Variants in SYT16 observed in about 807,000 individuals in gnomAD.
SYT16 encodes the protein synaptotagmin 16.
SYT16 carries 42 observed loss-of-function variants against 61.4 expected under a neutral mutation model. The observed-to-expected ratio is 0.68, with a 90% confidence interval of 0.53 to 0.89. The LOEUF (loss-of-function observed/expected upper bound fraction) is 0.89. SYT16 is among the 40% of genes least tolerant of loss of function. The probability of loss-of-function intolerance (pLI) is 0.00; values close to 1 mark genes in which losing one functional copy is unlikely to be tolerated. For synonymous variants in SYT16, 314 were observed against 302.3 expected, an observed-to-expected ratio of 1.04 and a Z score of -0.40; for missense variants, 804 against 807.3, an observed-to-expected ratio of 1.00 and a Z score of 0.05.
intron 3 of SYT16, among the ~76,000 whole-genome samples, chr14:62,013,191 G>A (rs758932202): frequency 3.1e-4 from 47 of 152,098 alleles, no homozygotes; most frequent in Non-Finnish European, 5.3e-4. Context: ...TAAATAAAAG[G>A]TGATCATTTT....
At chr14:61,956,131 T>C (rs992626491) in intron 1 of SYT16, among the ~76,000 whole-genome samples, 1 of 151,964 alleles carries the variant, frequency 6.6e-6, no homozygotes, top group Non-Finnish European at 1.5e-5. Context: ...CCTTTGCCCA[T>C]TTATTAATTG....
intron 1 of SYT16, among the ~76,000 whole-genome samples, chr14:61,929,328 G>A (rs1456152221): frequency 1.3e-5 from 2 of 152,184 alleles, no homozygotes; most frequent in Non-Finnish European, 2.9e-5. Context: ...ACAATTCTAG[G>A]TGTTTATAAA....
In SYT16 at chr14:62,050,843, G is replaced by A. The variant is rs746206795; in HGVS notation, c.524-18760G>A. On this transcript the variant is annotated intron_variant, in intron 3 of 7. Transcript: ENST00000683842. ...ATCATTCCTCTGGAAGTTTTGTCTC[G>A]GAGGAGTACCCAGCCATGTGAGGTG... 2.0e-3 allele frequency among the ~76,000 whole-genome samples: 305 copies of A among 152,194 alleles called. 2 individuals carry two copies. The highest frequency in any genetic ancestry group is 3.3e-3 in the Non-Finnish European group (224 of 68,008).
rs544826072 is a variant in SYT16 at position 61,833,970 on chromosome 14, ATT to A, written c.-325+21179_-325+21180del. On this transcript the variant is annotated intron_variant, in intron 1 of 7. Coordinates refer to ENST00000683842, the MANE Select transcript of SYT16 (RefSeq NM_001367656.1). ...GTGGATTGCTGAAGCTCTGGCTTTG[ATT>A]TTTTTTTTTTTTTTTTTTAAATTTT... Among the ~76,000 whole-genome samples, 861 of 117,272 alleles carry A rather than the reference ATT, an allele frequency of 7.3e-3. 4 individuals are homozygous for A. The highest frequency in any genetic ancestry group is 0.025 in the African/African-American group (799 of 31,748). The allele number at this position is 117,272 out of a possible 152,430, so 76.9% of individuals were successfully genotyped here.
upstream of SYT16, chr14:61,812,672 G>T (rs2045303649): frequency 6.8e-6 from 1 of 146,432 alleles, no homozygotes; most frequent in Admixed American, 6.8e-5. Flanking sequence ...GGGGGCGCGC[G>T]GCAGGAGGGG....
chr14:62,090,765 C>T (rs367870173), intron 7 of SYT16, among the ~76,000 whole-genome samples: 1 of 152,128 alleles, frequency 6.6e-6, no homozygotes, highest in South Asian at 2.1e-4. Context: ...CTGATAAAGA[C>T]GTACCCAAGA....
chr14:62,062,808 C>G (rs1363210870), intron 3 of SYT16, among the ~76,000 whole-genome samples: 2 of 152,132 alleles, frequency 1.3e-5, no homozygotes, highest in Non-Finnish European at 2.9e-5. Flanking sequence ...CACTCGGGTA[C>G]TGCACCACTG....
intron 4 of SYT16, among the ~76,000 whole-genome samples, chr14:62,070,706 G>A (rs946451552): frequency 1.3e-5 from 2 of 152,144 alleles, no homozygotes; most frequent in African/African-American, 4.8e-5. Flanking sequence ...TTGTAACAGG[G>A]AAGGGTCTGT....
intron 1 of SYT16, among the ~76,000 whole-genome samples, chr14:61,939,433 A>G (rs1231515084): frequency 1.3e-5 from 2 of 152,228 alleles, no homozygotes; most frequent in South Asian, 4.1e-4. Context: ...CTTCAACAGC[A>G]GAGATCTATT....
intron 1 of SYT16, among the ~76,000 whole-genome samples, chr14:61,889,317 C>G (rs930433843): frequency 1.3e-5 from 2 of 152,176 alleles, no homozygotes; most frequent in Admixed American, 6.5e-5. Context: ...TTATAAGATA[C>G]TGGAGGGTGG....
intron 1 of SYT16, among the ~76,000 whole-genome samples, chr14:61,938,244 A>G (rs970662883): frequency 2.0e-5 from 3 of 152,102 alleles, no homozygotes; most frequent in Admixed American, 2.0e-4. Context: ...GTGTTTATTG[A>G]ATGATACTGT....
chr14:61,826,082 CTTCA>C (rs2045762723), intron 1 of SYT16, among the ~76,000 whole-genome samples: 1 of 150,000 alleles, frequency 6.7e-6, no homozygotes, highest in African/African-American at 2.5e-5. Flanking sequence ...GTTTTTATTT[CTTCA>C]TTCATTCTTC....
In SYT16 at chr14:61,816,577, T is replaced by C. The variant is rs78873972; in HGVS notation, c.-325+3767T>C. 2.5e-3 allele frequency among the ~76,000 whole-genome samples: 384 copies of C among 152,282 alleles called. 1 individual carries two copies. Among genetic ancestry groups the C allele is most frequent in the African/African-American group, 9.0e-3 (373 of 41,562 alleles). On this transcript the variant is annotated intron_variant, in intron 1 of 7. Coordinates refer to ENST00000683842, the MANE Select transcript of SYT16 (RefSeq NM_001367656.1). Reference sequence around the variant, plus strand: ...ATAGCAATAATTAATTCAAGCAAGATTCATCCATGGATGCTGAACTGTTAT... The same window carrying C: ...ATAGCAATAATTAATTCAAGCAAGACTCATCCATGGATGCTGAACTGTTAT...
chr14:62,078,398 T>C (rs1194010826), intron 5 of SYT16, among the ~76,000 whole-genome samples: 1 of 152,138 alleles, frequency 6.6e-6, no homozygotes, highest in Admixed American at 6.5e-5. Flanking sequence ...GTGTTAGTTA[T>C]TTAGTCTTTC....
At chr14:62,019,672 G>C (rs2053839193) in intron 3 of SYT16, among the ~76,000 whole-genome samples, 1 of 152,114 alleles carries the variant, frequency 6.6e-6, no homozygotes, top group Non-Finnish European at 1.5e-5. Flanking sequence ...CTTCTTCATG[G>C]GGTACGTTTG....
At chr14:62,071,228 T>C (rs897942661) in intron 4 of SYT16, among the ~76,000 whole-genome samples, 2 of 152,212 alleles carry the variant, frequency 1.3e-5, no homozygotes, top group Non-Finnish European at 2.9e-5. Context: ...TTCTCTCCAT[T>C]GAGAGGGCAA....
chr14:62,073,748 T>C (rs553723938), intron 4 of SYT16, among the ~76,000 whole-genome samples: 1 of 152,340 alleles, frequency 6.6e-6, no homozygotes, highest in South Asian at 2.1e-4. Context: ...ACATGGGTCA[T>C]GTACTCTGGT....
intron 7 of SYT16, among the ~76,000 whole-genome samples, chr14:62,095,671 A>G (rs2057249941): frequency 6.6e-6 from 1 of 152,070 alleles, no homozygotes; most frequent in African/African-American, 2.4e-5. Context: ...TGTAAAAACA[A>G]CAGTTTTTTT....
chr14:61,843,807 C>A lies in SYT16; in HGVS notation c.-325+30997C>A, dbSNP rs569853061. Among the ~76,000 whole-genome samples, 31 of 152,252 alleles carry A rather than the reference C, an allele frequency of 2.0e-4. No individual in the cohort carries two copies. The South Asian group carries it at 6.0e-3, about 30-fold the overall frequency. Reference sequence around the variant, plus strand: ...TATCATGGTGTTTTGGTTAGTGCAGCTCTGTAGCATAATTTGAAGTCAGAT... The same window carrying A: ...TATCATGGTGTTTTGGTTAGTGCAGATCTGTAGCATAATTTGAAGTCAGAT... On this transcript the variant is annotated intron_variant, in intron 1 of 7. Transcript: ENST00000683842.
Sources: allele counts gnomAD v4.1 joint callset (sites outside exome capture counted in the v4.1 genomes callset), GRCh38; gene constraint gnomAD v4.1.1; transcripts MANE v1.5; gene names NCBI Gene and HGNC (gene_info 2026-07-23, HGNC 2026-07-21).